The following CD160 variants were observed in gnomAD, a reference collection of about 807,000 sequenced individuals.
CD160 encodes the protein CD160 antigen.
A neutral mutation model predicts 19.2 loss-of-function variants in CD160; 11 were observed. The observed-to-expected ratio is 0.57, with a 90% CI of 0.36 to 0.95. CD160 has a LOEUF of 0.95. Among genes scored for constraint, CD160 ranks in the 40% least tolerant of loss-of-function variants. The pLI, the probability that CD160 is intolerant of heterozygous loss-of-function variation, is 0.01. For synonymous variants in CD160, 75 were observed against 81.1 expected, an observed-to-expected ratio of 0.93 and a Z score of 0.40; for missense variants, 182 against 213.2, an observed-to-expected ratio of 0.85 and a Z score of 0.91.
intron 3 of CD160, 45 bp downstream of exon 3, chr1:145,728,445 G>A (rs1241245348): frequency 3.2e-6 from 4 of 1,259,128 alleles, no homozygotes; most frequent in Non-Finnish European, 4.7e-6. Flanking sequence ...GGAGGATCCT[G>A]GGCTTGTGGG....
Position 145,725,291 on chromosome 1 carries a change from G to A in CD160, c.-73+385G>A, listed in dbSNP as rs919431938. On this transcript the variant is annotated intron_variant, in intron 2 of 5. Coordinates refer to ENST00000369288, the MANE Select transcript of CD160 (RefSeq NM_007053.4). ...AAATTAGCCGAGCGCAGTGGCAGGC[G>A]CCTGTAATCCCAGATACTCGGCAGG... 2.2e-4 allele frequency among the ~76,000 whole-genome samples: 33 copies of A among 150,324 alleles called. 1 individual carries two copies. Among genetic ancestry groups the A allele is most frequent in the Non-Finnish European group, 2.9e-4 (20 of 67,878 alleles).
At chr1:145,724,366 C>A (rs970552569) in intron 1 of CD160, among the ~76,000 whole-genome samples, 2 of 152,046 alleles carry the variant, frequency 1.3e-5, no homozygotes, top group African/African-American at 4.8e-5. Context: ...AATATTTATA[C>A]CCTTTGCTTT....
Position 145,736,356 on chromosome 1 carries a change from G to A in CD160, c.538+222G>A, listed in dbSNP as rs1657495303. ...AATCAGACTTTTCAATGGGTAGGAG[G>A]TAAGACTCATTAGGAATGAAGGCCT... On this transcript the variant is annotated intron_variant, in intron 5 of 5. Transcript: ENST00000369288. The A allele has an allele frequency of 2.2e-6, 3 of 1,357,726 alleles. No homozygotes were observed. The South Asian group carries it at 4.2e-5, about 19-fold the overall frequency. The allele number at this position is 1,357,726 out of a possible 1,614,324, so 84.1% of individuals were successfully genotyped here. A position where few individuals can be genotyped will look rare whatever the true frequency, so the allele number is the denominator to read the frequency against.
At chr1:145,735,883 T>C in intron 4 of CD160, 114 bp from the exon 5 acceptor site, 1 of 755,296 alleles carries the variant, frequency 1.3e-6, no homozygotes, top group Non-Finnish European at 2.2e-6. Flanking sequence ...GGGCAACGAA[T>C]TACAGAGGGA....
Position 145,735,599 on chromosome 1 carries a change from AAAAC to A in CD160, c.401-382_401-379del, listed in dbSNP as rs587665363. ...GACCCTGTCTCAAAAAAACAAAAAC[AAAAC>A]AAACAAACAAACAAAAAAAACCCAG... On this transcript the variant is annotated intron_variant, in intron 4 of 5. Coordinates refer to ENST00000369288, the MANE Select transcript of CD160 (RefSeq NM_007053.4). Among the ~76,000 whole-genome samples the A allele has an allele frequency of 2.4e-3, 370 of 152,018 alleles. 1 individual carries two copies. The highest frequency in any genetic ancestry group is 3.9e-3 in the Non-Finnish European group (267 of 68,006).
intron 2 of CD160, among the ~76,000 whole-genome samples, 162 bp downstream of exon 2, chr1:145,725,068 C>A (rs1312792890): frequency 6.6e-6 from 1 of 151,460 alleles, no homozygotes; most frequent in African/African-American, 2.4e-5. Flanking sequence ...CTGGGCCTTT[C>A]AATTTTTAAA....
chr1:145,731,929 G>C (rs1440215661), intron 4 of CD160, among the ~76,000 whole-genome samples: 1 of 152,152 alleles, frequency 6.6e-6, no homozygotes, highest in Admixed American at 6.5e-5. Context: ...TCAGAAACTA[G>C]AAAGGGGACA....
At chr1:145,730,170 A>T (rs898230487) in intron 3 of CD160, among the ~76,000 whole-genome samples, 9 of 152,270 alleles carry the variant, frequency 5.9e-5, no homozygotes, top group Non-Finnish European at 1.2e-4. Context: ...AAAATAAAAA[A>T]TTAGCCAGGC....
intron 2 of CD160, among the ~76,000 whole-genome samples, chr1:145,727,030 A>G (rs1553708483): frequency 6.6e-6 from 1 of 152,194 alleles, no homozygotes; most frequent in Admixed American, 6.5e-5. Context: ...AGACAAGCTG[A>G]TTATAAAAAT....
At chr1:145,731,944 G>A (rs1383897644) in intron 4 of CD160, among the ~76,000 whole-genome samples, 4 of 152,144 alleles carry the variant, frequency 2.6e-5, no homozygotes, top group East Asian at 1.9e-4. Context: ...GGGACAGGAC[G>A]CAAAACAGTT....
intron 4 of CD160, among the ~76,000 whole-genome samples, chr1:145,733,432 G>A (rs1657372336): frequency 2.0e-5 from 3 of 152,100 alleles, no homozygotes; most frequent in Admixed American, 1.3e-4. Context: ...GAGCCACCGT[G>A]CCTGGCCTAT....
rs1657138838 is a variant in CD160 at position 145,728,371 on chromosome 1, T to A, written c.44T>A (p.Leu15Gln). The change falls in exon 3 of 6, where the codon CTG becomes CAG. Residue 15 changes from leucine (L) to glutamine (Q), a missense_variant. Physicochemically the swap from Leu to Gln is moderately radical, Grantham distance 113 (BLOSUM62 -2). Coordinates refer to ENST00000369288, the MANE Select transcript of CD160 (RefSeq NM_007053.4). ...AGAGGCTGCTGTGCCCTGGCCATCC[T>A]GCTGGCAATTGTGGACATCCAGTCT... ...PGRGCCALAI[L>Q]LAIVDIQSGG... The A allele has an allele frequency of 1.2e-6, 2 of 1,613,322 alleles. No homozygotes were observed. The highest frequency in any genetic ancestry group is 1.7e-6 in the Non-Finnish European group (2 of 1,179,526).
rs1277629381 is a variant in CD160 at position 145,738,761 on chromosome 1, T to G, written c.*268T>G. The G allele has an allele frequency of 3.0e-6, 1 of 329,668 alleles. No individual in the cohort carries two copies. Among genetic ancestry groups the G allele is most frequent in the Admixed American group, 4.8e-5 (1 of 20,716 alleles). The allele number at this position is 329,668 out of a possible 1,614,324, so 20.4% of individuals were successfully genotyped here. A position where few individuals can be genotyped will look rare whatever the true frequency, so the allele number is the denominator to read the frequency against. On this transcript the variant is annotated 3_prime_UTR_variant, in exon 6 of 6. Transcript: ENST00000369288. Reference sequence around the variant, plus strand: ...ACAGCTTTCACCAAAGTGGGTAGTATAGTCCTCAAATATCGGATAAATATA... The same window carrying G: ...ACAGCTTTCACCAAAGTGGGTAGTAGAGTCCTCAAATATCGGATAAATATA...
At chr1:145,720,709 C>A (rs744877) in intron 1 of CD160, among the ~76,000 whole-genome samples, 72,988 of 151,896 alleles carry the variant, frequency 0.48, 17,848 homozygotes, top group East Asian at 0.7. Context: ...CTTGTCCCCA[C>A]CCTCCCCAGA....
At chr1:145,725,572 AAAT>A (rs1276252883) in intron 2 of CD160, among the ~76,000 whole-genome samples, 1 of 152,342 alleles carries the variant, frequency 6.6e-6, no homozygotes, top group East Asian at 1.9e-4. Context: ...TCTTAAAGAA[AAAT>A]AATATCATTT....
rs1657255859 is a variant in CD160, at chr1:145,730,773, C to T, written c.103C>T (p.Gln35Ter). The change falls in exon 4 of 6, where the codon CAG (glutamine) becomes TAG (stop). Residue 35 changes from glutamine to a stop codon, truncating the protein, a stop_gained. Transcript: ENST00000369288. LOFTEE classifies it high-confidence loss of function. The part of the protein sequence containing the change: ...GCINITSSAS[Q>*]EGTRLNLICT... ...CATTAACATCACCAGCTCAGCTTCC[C>T]AGGAAGGAACGCGACTAAACTTAAT... is the stretch of plus-strand genomic sequence containing the variant. The T allele has an allele frequency of 1.2e-6, 2 of 1,613,492 alleles. No homozygotes were observed. Among genetic ancestry groups the T allele is most frequent in the Non-Finnish European group, 1.7e-6 (2 of 1,180,022 alleles).
At chr1:145,724,048 A>G (rs1161362057) in intron 1 of CD160, among the ~76,000 whole-genome samples, 1 of 152,168 alleles carries the variant, frequency 6.6e-6, no homozygotes. Context: ...CTCCGTAACA[A>G]TGTATAGTTC....
intron 2 of CD160, among the ~76,000 whole-genome samples, chr1:145,726,070 C>A (rs782302224): frequency 6.6e-6 from 1 of 151,918 alleles, no homozygotes; most frequent in South Asian, 2.1e-4. Flanking sequence ...TTAAAAGATA[C>A]AACGAGTGGA....
At chr1:145,720,587 G>A (rs587617737) in intron 1 of CD160, among the ~76,000 whole-genome samples, 11 of 152,240 alleles carry the variant, frequency 7.2e-5, no homozygotes, top group Non-Finnish European at 1.0e-4. Context: ...TCAGTGTCGT[G>A]GGAGATCTGT....
Sources: allele counts gnomAD v4.1 joint callset (sites outside exome capture counted in the v4.1 genomes callset), GRCh38; gene constraint gnomAD v4.1.1; transcripts MANE v1.5; gene names NCBI Gene and HGNC (gene_info 2026-07-23, HGNC 2026-07-21).